OTUD6B: variants seen among roughly 807,000 people sequenced by gnomAD.
OTUD6B encodes the protein deubiquitinase OTUD6B.
OTUD6B carries 41 observed loss-of-function variants against 36.9 expected under a neutral mutation model. The ratio of observed to expected loss-of-function variants is 1.11; its 90% confidence interval spans 0.87 to 1.44. The LOEUF (loss-of-function observed/expected upper bound fraction) is 1.44, where lower values mean the gene tolerates loss of function less well. Among genes scored for constraint, OTUD6B ranks in the 40% most tolerant of loss-of-function variants. The pLI is 0.00. For missense variants in OTUD6B, 356 were observed against 344.8 expected (o/e 1.03, Z -0.26); for synonymous variants, 114 against 114.2 (o/e 1.00, Z 0.01).
intron 4 of OTUD6B, among the ~76,000 whole-genome samples, chr8:91,080,117 A>G (rs189072659): frequency 6.6e-6 from 1 of 152,272 alleles, no homozygotes; most frequent in East Asian, 1.9e-4. Context: ...TTCCTTGGTT[A>G]GAACTGATAC....
Position 91,084,041 on chromosome 8 carries a change from A to G in OTUD6B, c.724A>G (p.Ile242Val), listed in dbSNP as rs1434900352. ...TCTGTCTCACATTTTACAAACACCA[A>G]TAGAGATAATACAGGCAGATTCTCC... ...RALSHILQTP[I>V]EIIQADSPPI... is the part of the protein sequence containing the mutation. Residue 242 changes from isoleucine to valine, a missense_variant, in exon 6 of 7, where the codon ATA becomes GTA. Physicochemically the swap from Ile to Val is conservative, Grantham distance 29 (BLOSUM62 3). Transcript: ENST00000404789. 50 of 1,580,090 alleles carry G rather than the reference A, an allele frequency of 3.2e-5. No individual in the cohort carries two copies. The highest frequency in any genetic ancestry group is 4.1e-5 in the Non-Finnish European group (48 of 1,161,578).
At chr8:91,077,232 A>G (rs903152780) in intron 3 of OTUD6B, among the ~76,000 whole-genome samples, 1 of 151,238 alleles carries the variant, frequency 6.6e-6, no homozygotes, top group Non-Finnish European at 1.5e-5. Flanking sequence ...AAACATACAG[A>G]CATACACACA....
intron 5 of OTUD6B, among the ~76,000 whole-genome samples, chr8:91,082,211 A>G (rs1812919880): frequency 6.6e-6 from 1 of 152,128 alleles, no homozygotes; most frequent in South Asian, 2.1e-4. Flanking sequence ...ATGTACCTCA[A>G]AGGAACGTTT....
intron 3 of OTUD6B, chr8:91,076,396 A>G (rs1294785852): frequency 6.7e-6 from 6 of 891,222 alleles, no homozygotes; most frequent in Admixed American, 6.2e-5. Flanking sequence ...TTTCTTACCT[A>G]GTGCCCTGAA....
chr8:91,076,706 G>A (rs1812809187), intron 3 of OTUD6B: 4 of 1,218,544 alleles, frequency 3.3e-6, no homozygotes, highest in Non-Finnish European at 4.7e-6. Flanking sequence ...GGAAAATGAG[G>A]GGTTTTGGAT....
chr8:91,083,747 T>G (rs1327731606), intron 5 of OTUD6B: 1 of 153,058 alleles, frequency 6.5e-6, no homozygotes, highest in East Asian at 1.9e-4. Flanking sequence ...ATATCTCATG[T>G]AGTATATGCA....
intron 3 of OTUD6B, 22 bp from the exon 4 acceptor site, chr8:91,078,334 T>C (rs1355342134): frequency 1.3e-6 from 2 of 1,526,762 alleles, no homozygotes; most frequent in Admixed American, 2.2e-5. Context: ...GAATTAACTT[T>C]CATGCATTCT....
intron 2 of OTUD6B, among the ~76,000 whole-genome samples, chr8:91,071,781 C>T (rs895283482): frequency 2.0e-5 from 3 of 152,214 alleles, no homozygotes; most frequent in African/African-American, 4.8e-5. Context: ...TAAGGGAGAT[C>T]GGCAAAGAAA....
rs1563584813 is a variant in OTUD6B, at chr8:91,085,496, T to G, written c.*628T>G. 2 of 151,976 alleles carry G rather than the reference T, an allele frequency of 1.3e-5. No individual in the cohort carries two copies. 9.4% of individuals were successfully genotyped at this position (151,976 alleles called of 1,614,324 possible). On this transcript the variant is annotated 3_prime_UTR_variant, in exon 7 of 7. Transcript: ENST00000404789. ...AGTTGTTTAAAGAAGTGAGATAAAT[T>G]CAAAGGTAAATAGGTATTCTCTGTC...
At chr8:91,078,806 T>G (rs1812848886) in intron 4 of OTUD6B, 138 bp downstream of exon 4, 1 of 502,550 alleles carries the variant, frequency 2.0e-6, no homozygotes, top group Non-Finnish European at 3.5e-6. Flanking sequence ...TAGGCAGAAT[T>G]ATTTTCTGTA....
chr8:91,080,872 A>G, intron 5 of OTUD6B, 142 bp downstream of exon 5: 1 of 639,390 alleles, frequency 1.6e-6, no homozygotes, highest in Non-Finnish European at 2.7e-6. Flanking sequence ...CTCAACTGAC[A>G]AAGAAATAGG....
At position 91,071,147 on chromosome 8, in the gene OTUD6B, A is replaced by G. The variant is rs1302962995; in HGVS notation, c.92A>G (p.Gln31Arg). 1.2e-6 allele frequency: 2 copies of G among 1,612,066 alleles called. No homozygotes were observed. Among genetic ancestry groups the G allele is most frequent in the Non-Finnish European group, 1.7e-6 (2 of 1,179,388 alleles). ...KEKKELQAKI[Q>R]GMKNAVPKND... ...TTTAATGGCTTTTCAGCCAAAATTC[A>G]GGGCATGAAGAATGCTGTTCCCAAG... is the stretch of plus-strand genomic sequence containing the variant. The change falls in exon 2 of 7, where the codon CAG becomes CGG. Residue 31 changes from glutamine (Q) to arginine (R), a missense_variant. Physicochemically the swap from Gln to Arg is conservative, Grantham distance 43. Coordinates refer to ENST00000404789, the MANE Select transcript of OTUD6B (RefSeq NM_016023.5).
In OTUD6B at chr8:91,082,007, CTT is replaced by C. The variant is rs531615978; in HGVS notation, c.690+1278_690+1279del. ...CTTTTAAAACATCTTTTGAGGGACA[CTT>C]ATACATTTTTTTCATCTGTGAATTC... is the stretch of plus-strand genomic sequence containing the variant. On this transcript the variant is annotated intron_variant, in intron 5 of 6. Coordinates refer to ENST00000404789, the MANE Select transcript of OTUD6B (RefSeq NM_016023.5). Among the ~76,000 whole-genome samples the C allele has an allele frequency of 1.5e-3, 228 of 152,172 alleles. 1 individual carries two copies. The highest frequency in any genetic ancestry group is 4.8e-3 in the African/African-American group (201 of 41,522).
intron 2 of OTUD6B, among the ~76,000 whole-genome samples, chr8:91,071,550 A>G (rs962673363): frequency 7.2e-5 from 11 of 152,102 alleles, no homozygotes; most frequent in African/African-American, 2.4e-4. Flanking sequence ...GGGTTTCACC[A>G]TGTTAGCCAA....
intron 5 of OTUD6B, among the ~76,000 whole-genome samples, chr8:91,082,083 TAAAG>T (rs1222583801): frequency 6.6e-6 from 1 of 152,144 alleles, no homozygotes. Context: ...TTTAAGTTAT[TAAAG>T]AAAATCATTC....
At chr8:91,081,674 G>A (rs1001250906) in intron 5 of OTUD6B, among the ~76,000 whole-genome samples, 2 of 152,132 alleles carry the variant, frequency 1.3e-5, no homozygotes, top group African/African-American at 4.8e-5. Flanking sequence ...TAGGCAGTAC[G>A]ATTAGTAATA....
intron 2 of OTUD6B, among the ~76,000 whole-genome samples, chr8:91,071,494 G>T (rs1260749280): frequency 2.0e-5 from 3 of 151,338 alleles, no homozygotes; most frequent in African/African-American, 2.4e-5. Flanking sequence ...TACTACGGGC[G>T]CCCGCCACTA....
At position 91,084,430 on chromosome 8, in the gene OTUD6B, A is replaced by G. The variant is rs560233096; in HGVS notation, c.797+316A>G. Among the ~76,000 whole-genome samples the G allele has an allele frequency of 2.6e-5, 4 of 152,196 alleles. No homozygotes were observed. In the East Asian group the frequency reaches 7.7e-4, roughly 29 times the overall value. ...TCATTTTATGAAAATATCTTACATG[A>G]TTTAGAAATCTCTTCTGAAATACAG... On this transcript the variant is annotated intron_variant, in intron 6 of 6. Transcript: ENST00000404789.
rs769247242 is a variant in OTUD6B at position 91,070,376 on chromosome 8, C to G, written c.-9C>G. 6.2e-7 allele frequency: 1 copy of G among 1,611,352 alleles called. No homozygotes were observed. Among genetic ancestry groups the G allele is most frequent in the South Asian group, 1.1e-5 (1 of 90,396 alleles). ...TCTTCTAGCGCGTGTGCTGGGGTAC[C>G]TGGTCGTCATGGAGGCGGTATTGAC... is the stretch of plus-strand genomic sequence containing the variant. On this transcript the variant is annotated 5_prime_UTR_variant, in exon 1 of 7. Coordinates refer to ENST00000404789, the MANE Select transcript of OTUD6B (RefSeq NM_016023.5).
Sources: gnomAD v4.1 joint callset for allele counts (sites outside exome capture counted in the v4.1 genomes callset) on GRCh38, gnomAD v4.1.1 for gene constraint, MANE v1.5 for transcripts, NCBI Gene and HGNC (gene_info 2026-07-23, HGNC 2026-07-21) for gene names.